Variants in NRG3 observed in about 807,000 individuals in gnomAD.
The protein encoded by NRG3 is pro-neuregulin-3, membrane-bound isoform.
Under a neutral mutation model 66.9 loss-of-function variants are expected in NRG3, and 31 were observed. The observed-to-expected ratio is 0.46, with a 90% CI of 0.35 to 0.63. The LOEUF (loss-of-function observed/expected upper bound fraction) is 0.63, where lower values mean the gene tolerates loss of function less well. Ranked by LOEUF, NRG3 falls within the 20% of genes least tolerant of loss-of-function variation. The pLI, the probability that NRG3 is intolerant of heterozygous loss-of-function variation, is 0.00. For synonymous variants in NRG3, 393 were observed against 359.4 expected, an observed-to-expected ratio of 1.09 and a Z score of -1.06; for missense variants, 910 against 878.9, an observed-to-expected ratio of 1.04 and a Z score of -0.45.
intron 2 of NRG3, among the ~76,000 whole-genome samples, chr10:82,517,910 A>C (rs1363410164): frequency 6.6e-6 from 1 of 152,150 alleles, no homozygotes; most frequent in East Asian, 1.9e-4. Flanking sequence ...GGAAAAGAAA[A>C]AATAACATTA....
intron 1 of NRG3, among the ~76,000 whole-genome samples, chr10:82,097,689 A>G (rs2066443282): frequency 6.6e-6 from 1 of 151,966 alleles, no homozygotes; most frequent in Non-Finnish European, 1.5e-5. Flanking sequence ...AGAAACTGCC[A>G]TACTATTTTG....
intron 5 of NRG3, among the ~76,000 whole-genome samples, chr10:82,955,034 A>T (rs961779306): frequency 1.3e-5 from 2 of 151,868 alleles, no homozygotes; most frequent in African/African-American, 2.4e-5. Flanking sequence ...CCTCCATTCG[A>T]TACACTGGGA....
In NRG3 at chr10:82,466,845, G is replaced by A. The variant is rs529013403; in HGVS notation, c.953+107977G>A. Among the ~76,000 whole-genome samples, 21 of 151,758 alleles carry A rather than the reference G, an allele frequency of 1.4e-4. No homozygotes were observed. The South Asian group carries it at 2.5e-3, about 18-fold the overall frequency. ...AGGGGCACACACGATGAGGAGGTGAGGACAGGCAAGGGGAAGGGGAAGGGG... is the reference window on the plus strand; with the variant it reads ...AGGGGCACACACGATGAGGAGGTGAAGACAGGCAAGGGGAAGGGGAAGGGG... On this transcript the variant is annotated intron_variant, in intron 2 of 8. Transcript: ENST00000372141.
chr10:82,715,084 A>G (rs577060219), intron 2 of NRG3, among the ~76,000 whole-genome samples: 2 of 152,266 alleles, frequency 1.3e-5, no homozygotes, highest in East Asian at 3.9e-4. Flanking sequence ...GTCAATCTCA[A>G]GAAAAAAAGA....
chr10:82,114,776 G>T (rs11818054), intron 1 of NRG3, among the ~76,000 whole-genome samples: 1 of 151,990 alleles, frequency 6.6e-6, no homozygotes, highest in Admixed American at 6.6e-5. Flanking sequence ...CCTGGAAACT[G>T]TTCTTTCATG....
chr10:82,276,386 A>G (rs1371262126), intron 1 of NRG3, among the ~76,000 whole-genome samples: 3 of 152,040 alleles, frequency 2.0e-5, no homozygotes, highest in African/African-American at 7.2e-5. Flanking sequence ...ATAGTTCATG[A>G]AAAGTGATTT....
chr10:82,893,620 G>A (rs770313544), intron 4 of NRG3, among the ~76,000 whole-genome samples: 16 of 152,248 alleles, frequency 1.1e-4, no homozygotes, highest in Admixed American at 2.0e-4. Flanking sequence ...CCAGGGAGTA[G>A]GAGGTTGCAG....
At chr10:82,973,966 G>C in intron 7 of NRG3, 51 bp downstream of exon 7, 1 of 1,605,038 alleles carries the variant, frequency 6.2e-7, no homozygotes, top group South Asian at 1.1e-5. Flanking sequence ...CTGTGTGTAT[G>C]CTGGGTGGCA....
At chr10:82,383,717 A>C (rs2085784086) in intron 2 of NRG3, among the ~76,000 whole-genome samples, 2 of 152,034 alleles carry the variant, frequency 1.3e-5, no homozygotes, top group South Asian at 4.2e-4. Context: ...GTAATCTGAC[A>C]TTGTGATCTG....
intron 1 of NRG3, among the ~76,000 whole-genome samples, chr10:82,186,415 C>A (rs2073812260): frequency 6.6e-6 from 1 of 152,126 alleles, no homozygotes; most frequent in South Asian, 2.1e-4. Context: ...AGCAAGCTGC[C>A]CTTACAGGCT....
intron 4 of NRG3, among the ~76,000 whole-genome samples, chr10:82,880,726 C>A (rs1842228208): frequency 6.6e-6 from 1 of 152,176 alleles, no homozygotes; most frequent in Non-Finnish European, 1.5e-5. Context: ...AATAAAAATG[C>A]AGGACACCCA....
chr10:82,984,696 G>T, intron 8 of NRG3: 1 of 1,365,226 alleles, frequency 7.3e-7, no homozygotes, highest in East Asian at 2.5e-5. Flanking sequence ...AGTTGATGGA[G>T]TGGACTAATG....
chr10:82,915,349 A>G (rs559770538), intron 4 of NRG3, among the ~76,000 whole-genome samples: 25 of 152,338 alleles, frequency 1.6e-4, no homozygotes, highest in African/African-American at 5.8e-4. Flanking sequence ...ATGCCAAAAA[A>G]GAAACTAGGA....
rs1402703795 is a variant in NRG3, at chr10:82,430,676, T to C, written c.953+71808T>C. On this transcript the variant is annotated intron_variant, in intron 2 of 8. Transcript: ENST00000372141. Reference sequence around the variant, plus strand: ...CTTCTTGGTTTTGTTTTTGTTGTTGTTTGCTTTTAGTTTCTTTCATGGACT... The same window carrying C: ...CTTCTTGGTTTTGTTTTTGTTGTTGCTTGCTTTTAGTTTCTTTCATGGACT... 4.6e-5 allele frequency among the ~76,000 whole-genome samples: 7 copies of C among 152,316 alleles called. No homozygotes were observed. The East Asian group carries it at 1.3e-3, about 29-fold the overall frequency.
In NRG3 at chr10:82,839,119, G is replaced by A. The variant is rs192257559; in HGVS notation, c.1028-26292G>A. Among the ~76,000 whole-genome samples, 23 of 152,248 alleles carry A rather than the reference G, an allele frequency of 1.5e-4. No individual in the cohort carries two copies. The East Asian group carries it at 2.7e-3, about 18-fold the overall frequency. Reference sequence around the variant, plus strand: ...CAATTCAAGATGAGATTTGGGTGGGGACACAGCCAAACTATATAATCATCA... The same window carrying A: ...CAATTCAAGATGAGATTTGGGTGGGAACACAGCCAAACTATATAATCATCA... On this transcript the variant is annotated intron_variant, in intron 3 of 8. Transcript: ENST00000372141.
intron 1 of NRG3, among the ~76,000 whole-genome samples, chr10:81,907,547 A>G (rs1197178275): frequency 6.6e-6 from 1 of 152,180 alleles, no homozygotes; most frequent in Non-Finnish European, 1.5e-5. Context: ...TCTTAATTAC[A>G]TTATGACACT....
chr10:82,515,293 C>T (rs1845553025), intron 2 of NRG3, among the ~76,000 whole-genome samples: 2 of 152,142 alleles, frequency 1.3e-5, no homozygotes. Context: ...CCCAAGGAAC[C>T]TTATTTAAAT....
At chr10:82,936,238 T>G (rs535497965) in intron 4 of NRG3, among the ~76,000 whole-genome samples, 1 of 152,296 alleles carries the variant, frequency 6.6e-6, no homozygotes, top group South Asian at 2.1e-4. Flanking sequence ...GAAAGGATAT[T>G]CTTAGGTGAA....
At chr10:82,281,119 T>C (rs1481900198) in intron 1 of NRG3, among the ~76,000 whole-genome samples, 1 of 152,154 alleles carries the variant, frequency 6.6e-6, no homozygotes, top group African/African-American at 2.4e-5. Context: ...ACTGGAAGAC[T>C]TGGAGTGACA....
Sources: gnomAD v4.1 joint callset for allele counts (sites outside exome capture counted in the v4.1 genomes callset) on GRCh38, gnomAD v4.1.1 for gene constraint, MANE v1.5 for transcripts, NCBI Gene and HGNC (gene_info 2026-07-23, HGNC 2026-07-21) for gene names.